The following PARP15 variants were observed in gnomAD, a reference collection of about 807,000 sequenced individuals.
PARP15 encodes the protein protein mono-ADP-ribosyltransferase PARP15.
A neutral mutation model predicts 62.1 loss-of-function variants in PARP15; 50 were observed. The ratio of observed to expected loss-of-function variants is 0.81; its 90% CI spans 0.64 to 1.02. The LOEUF is 1.02. PARP15 is among the 50% of genes least tolerant of loss of function. The pLI, the probability that PARP15 is intolerant of heterozygous loss-of-function variation, is 0.00. For synonymous variants in PARP15, 309 were observed against 293.1 expected (o/e 1.05, Z -0.55); for missense variants, 820 against 826.5 (o/e 0.99, Z 0.10).
intron 10 of PARP15, 103 bp from the exon 11 acceptor site, chr3:122,634,917 C>T: frequency 1.7e-6 from 2 of 1,193,694 alleles, no homozygotes; most frequent in Non-Finnish European, 2.4e-6. Context: ...AAATTCTCTT[C>T]CTCTTCCTTC....
At chr3:122,625,990 G>A (rs1176943477) in intron 8 of PARP15, among the ~76,000 whole-genome samples, 2 of 152,184 alleles carry the variant, frequency 1.3e-5, no homozygotes. Context: ...GACCTCTGCA[G>A]CATCTCAGTA....
chr3:122,630,835 A>G (rs965499221), intron 9 of PARP15, among the ~76,000 whole-genome samples: 1 of 152,174 alleles, frequency 6.6e-6, no homozygotes, highest in African/African-American at 2.4e-5. Flanking sequence ...TAACTTTGCA[A>G]CAATCCCATG....
At chr3:122,581,269 T>C (rs1388613960) in intron 1 of PARP15, among the ~76,000 whole-genome samples, 1 of 152,230 alleles carries the variant, frequency 6.6e-6, no homozygotes, top group African/African-American at 2.4e-5. Flanking sequence ...ATTTTTAATT[T>C]TTTTGGGACT....
At position 122,606,151 on chromosome 3, in the gene PARP15, A is replaced by T. The variant is rs1935146706; in HGVS notation, c.306+96A>T. ...CATGATTTAATTTGTTCTTTATCTT[A>T]ATCAAAGATTAAAGATATCAAAGAT... On this transcript the variant is annotated intron_variant, in intron 2 of 11. Transcript: ENST00000464300. The T allele has an allele frequency of 2.0e-5, 27 of 1,356,422 alleles. No individual in the cohort carries two copies. The South Asian group carries it at 3.4e-4, about 17-fold the overall frequency. The allele number at this position is 1,356,422 out of a possible 1,614,324, so 84.0% of individuals were successfully genotyped here. A position where few individuals can be genotyped will look rare whatever the true frequency, so the allele number is the denominator to read the frequency against.
chr3:122,638,629 C>G lies in PARP15; in HGVS notation c.*2529C>G, dbSNP rs1164861187. The G allele has an allele frequency of 1.3e-5, 2 of 152,224 alleles. No homozygotes were observed. The highest frequency in any genetic ancestry group is 3.9e-4 in the East Asian group (2 of 5,188). The allele number at this position is 152,224 out of a possible 1,614,324, so 9.4% of individuals were successfully genotyped here. ...AGAAGTGTCCGTTCATATCCTTTGC[C>G]CACTTTTTGATGGGGTTCTTTGTTT... On this transcript the variant is annotated 3_prime_UTR_variant, in exon 12 of 12. Transcript: ENST00000464300.
chr3:122,592,281 C>G (rs12636921), intron 1 of PARP15, among the ~76,000 whole-genome samples: 72 of 152,114 alleles, frequency 4.7e-4, no homozygotes, highest in African/African-American at 1.6e-3. Flanking sequence ...GAGATCATGT[C>G]CTTTGCAGGG....
At chr3:122,583,516 G>T (rs6772322) in intron 1 of PARP15, among the ~76,000 whole-genome samples, 56,384 of 151,710 alleles carry the variant, frequency 0.37, 10,884 homozygotes, top group Admixed American at 0.46. Flanking sequence ...AGTAATTTTT[G>T]ATTGGATGCC....
intron 9 of PARP15, among the ~76,000 whole-genome samples, chr3:122,630,787 G>C (rs1441636411): frequency 6.6e-6 from 1 of 152,114 alleles, no homozygotes; most frequent in Non-Finnish European, 1.5e-5. Flanking sequence ...AAAAGACTTG[G>C]CATTTCCTAA....
chr3:122,586,787 A>G (rs1382577519), intron 1 of PARP15, among the ~76,000 whole-genome samples: 1 of 151,576 alleles, frequency 6.6e-6, no homozygotes, highest in Admixed American at 6.6e-5. Flanking sequence ...CAATTTATAA[A>G]CCTACATTGA....
chr3:122,588,518 T>C (rs548428369), intron 1 of PARP15, among the ~76,000 whole-genome samples: 19 of 152,216 alleles, frequency 1.2e-4, no homozygotes, highest in Admixed American at 4.6e-4. Flanking sequence ...TTCAGCAAGG[T>C]GTGGTGGCTC....
rs142815557 is a variant in PARP15 at position 122,587,497 on chromosome 3, C to T, written c.186+9644C>T. On this transcript the variant is annotated intron_variant, in intron 1 of 11. Coordinates refer to ENST00000464300, the MANE Select transcript of PARP15 (RefSeq NM_001113523.3). ...TCTGGATTTTCACCATTCTAACAGG[C>T]GTATAGGGTAGCTCATTGTTGTTTT... is the stretch of plus-strand genomic sequence containing the variant. 2.1e-3 allele frequency among the ~76,000 whole-genome samples: 319 copies of T among 152,200 alleles called. 2 individuals carry two copies. Among genetic ancestry groups the T allele is most frequent in the East Asian group, 1.3e-3 (7 of 5,186 alleles).
chr3:122,612,733 A>AT (rs143169785), intron 3 of PARP15, among the ~76,000 whole-genome samples: 5,720 of 148,552 alleles, frequency 0.039, 371 homozygotes, highest in African/African-American at 0.13. Flanking sequence ...CTGCCAATAC[A>AT]TTTTTTTTTT....
intron 3 of PARP15, among the ~76,000 whole-genome samples, chr3:122,611,081 C>T (rs1935533531): frequency 6.6e-6 from 1 of 152,136 alleles, no homozygotes; most frequent in Non-Finnish European, 1.5e-5. Context: ...CATTGGGATT[C>T]TACAGGAGTG....
Position 122,613,058 on chromosome 3 carries a change from C to A in PARP15, c.561C>A (p.Ile187=). The A allele has an allele frequency of 6.4e-7, 1 of 1,551,396 alleles. No individual in the cohort carries two copies. The part of the protein sequence containing the change: ...ETSWQIMANI[I]KKCLTTVEVL... ...CATTTCAGATCATGGCAAATATAAT[C>A]AAGAAATGTTTGACAACTGTAGAAG... is the stretch of plus-strand genomic sequence containing the variant. Residue 187 remains isoleucine, a synonymous_variant, in exon 4 of 12, where the codon ATC becomes ATA. Transcript: ENST00000464300.
chr3:122,614,588 A>G (rs1210386448), intron 4 of PARP15, among the ~76,000 whole-genome samples: 1 of 152,178 alleles, frequency 6.6e-6, no homozygotes. Flanking sequence ...TTTTTGCTCA[A>G]AGATAAACTG....
chr3:122,620,399 C>G (rs534008969), intron 7 of PARP15, among the ~76,000 whole-genome samples: 2 of 152,224 alleles, frequency 1.3e-5, no homozygotes, highest in South Asian at 4.2e-4. Context: ...ACTGTTTGTC[C>G]TTCAAAATAT....
At chr3:122,594,980 C>A in intron 1 of PARP15, 1 of 580,198 alleles carries the variant, frequency 1.7e-6, no homozygotes, top group Non-Finnish European at 2.2e-6. Context: ...TTTCTGACTA[C>A]AAAGGATTAA....
chr3:122,583,114 CTTTT>C (rs67942585), intron 1 of PARP15, among the ~76,000 whole-genome samples: 2 of 83,444 alleles, frequency 2.4e-5, no homozygotes, highest in Non-Finnish European at 4.3e-5. Context: ...TCATCTGTAT[CTTTT>C]TTTTTTTTTT....
At chr3:122,629,283 C>T (rs918975226) in intron 9 of PARP15, among the ~76,000 whole-genome samples, 4 of 152,186 alleles carry the variant, frequency 2.6e-5, no homozygotes, top group African/African-American at 4.8e-5. Context: ...TTGCCTCAGC[C>T]TCCTGAGTAG....
Sources: allele counts gnomAD v4.1 joint callset (sites outside exome capture counted in the v4.1 genomes callset), GRCh38; gene constraint gnomAD v4.1.1; transcripts MANE v1.5; gene names NCBI Gene and HGNC (gene_info 2026-07-23, HGNC 2026-07-21).